The following IRF8 variants were observed in gnomAD, a reference collection of about 807,000 sequenced individuals.
IRF8 encodes interferon consensus sequence binding protein 1.
Under a neutral mutation model 48.7 loss-of-function variants are expected in IRF8, and 14 were observed. The ratio of observed to expected loss-of-function variants is 0.29; its 90% CI spans 0.19 to 0.45. The LOEUF is 0.45. Ranked by LOEUF, IRF8 falls within the 20% of genes least tolerant of loss-of-function variation. The pLI is 1.00. For synonymous variants in IRF8, 278 were observed against 227.3 expected (o/e 1.22, Z -2.01); for missense variants, 493 against 580.7 (o/e 0.85, Z 1.55).
At chr16:85,914,190 A>G (rs528856630) in intron 5 of IRF8, 30 of 487,956 alleles carry the variant, frequency 6.1e-5, no homozygotes, top group African/African-American at 5.7e-4. Flanking sequence ...TTGAGGTGGG[A>G]AGGAAATGTG....
chr16:85,901,504 G>C (rs991794494), intron 1 of IRF8, among the ~76,000 whole-genome samples: 1 of 152,132 alleles, frequency 6.6e-6, no homozygotes, highest in Non-Finnish European at 1.5e-5. Context: ...TGTAGTTCCA[G>C]GTACTCAAGG....
intron 4 of IRF8, among the ~76,000 whole-genome samples, chr16:85,912,251 C>T (rs1281776026): frequency 6.6e-6 from 1 of 152,186 alleles, no homozygotes; most frequent in Admixed American, 6.5e-5. Flanking sequence ...TTTTGTATAC[C>T]CATTTCAGCT....
rs963081691 is a variant in IRF8, at chr16:85,921,955, A to G, written c.*673A>G. The G allele has an allele frequency of 2.6e-5, 4 of 152,468 alleles. No individual in the cohort carries two copies. The highest frequency in any genetic ancestry group is 7.2e-5 in the African/African-American group (3 of 41,456). The allele number at this position is 152,468 out of a possible 1,614,324, so 9.4% of individuals were successfully genotyped here. A position where few individuals can be genotyped will look rare whatever the true frequency, so the allele number is the denominator to read the frequency against. On this transcript the variant is annotated 3_prime_UTR_variant, in exon 9 of 9. Transcript: ENST00000268638. Reference sequence around the variant, plus strand: ...CCTTCTCCTCTGGGGCTTTGTTGCCAGGAAGATTAGAACTAAATTTATTTT... The same window carrying G: ...CCTTCTCCTCTGGGGCTTTGTTGCCGGGAAGATTAGAACTAAATTTATTTT...
rs1905574663 is a variant in IRF8 at position 85,921,612 on chromosome 16, A to G, written c.*330A>G. 2 of 363,642 alleles carry G rather than the reference A, an allele frequency of 5.5e-6. No individual in the cohort carries two copies. Among genetic ancestry groups the G allele is most frequent in the South Asian group, 2.5e-5 (1 of 40,184 alleles). The allele number at this position is 363,642 out of a possible 1,614,324, so 22.5% of individuals were successfully genotyped here. ...TATCATTTCCAAAGACTTGTCATTC[A>G]GTAATATTAGCAGATAGCTGCTTCG... On this transcript the variant is annotated 3_prime_UTR_variant, in exon 9 of 9. Transcript: ENST00000268638.
At chr16:85,908,690 G>A (rs1485458230) in intron 2 of IRF8, among the ~76,000 whole-genome samples, 1 of 152,202 alleles carries the variant, frequency 6.6e-6, no homozygotes, top group Non-Finnish European at 1.5e-5. Flanking sequence ...CCAGGCAAGG[G>A]CTTGGCTAAA....
chr16:85,920,085 C>G (rs1347573750), intron 7 of IRF8, 24 bp from the exon 8 acceptor site: 1 of 1,576,298 alleles, frequency 6.3e-7, no homozygotes, highest in African/African-American at 1.3e-5. Context: ...TGCTTGCAAA[C>G]ACCCTCTGCC....
In IRF8 at chr16:85,920,202, G is replaced by A. The variant is rs1905497880; in HGVS notation, c.1082G>A (p.Arg361His). The A allele has an allele frequency of 7.5e-6, 12 of 1,602,840 alleles. No homozygotes were observed. The highest frequency in any genetic ancestry group is 1.0e-5 in the Non-Finnish European group (12 of 1,171,260). ...GEEFPDMAPLRSKLILVQIEQ... is the reference protein window; with the variant it reads ...GEEFPDMAPLHSKLILVQIEQ... ...GAGTTTCCGGATATGGCCCCCTTGC[G>A]CTCCAAACTCATTCTCGTGCAGGTA... is the stretch of plus-strand genomic sequence containing the variant. The change falls in exon 8 of 9, where the codon CGC becomes CAC. Residue 361 changes from arginine to histidine, a missense_variant. By Grantham distance (29) the Arg-to-His change is conservative (BLOSUM62 0). This residue lies in a region of IRF8 where 408 missense variants were observed against 449.6 expected (regional missense o/e 0.91). Transcript: ENST00000268638.
intron 2 of IRF8, among the ~76,000 whole-genome samples, chr16:85,908,090 C>G (rs1392691028): frequency 6.6e-6 from 1 of 152,256 alleles, no homozygotes; most frequent in Non-Finnish European, 1.5e-5. Context: ...AAGTTACTTA[C>G]CTCTTGGAAT....
Position 85,921,440 on chromosome 16 carries a change from T to C in IRF8, c.*158T>C, listed in dbSNP as rs1905565870. The C allele has an allele frequency of 1.2e-6, 1 of 801,396 alleles. No homozygotes were observed. The highest frequency in any genetic ancestry group is 1.7e-5 in the African/African-American group (1 of 58,530). The allele number at this position is 801,396 out of a possible 1,614,324, so 49.6% of individuals were successfully genotyped here. A position where few individuals can be genotyped will look rare whatever the true frequency, so the allele number is the denominator to read the frequency against. The stretch of plus-strand genomic sequence containing the variant: ...AGGGCATTCTCGGAGGAGTAGACGT[T>C]TAATACGAAGTGGCGGCATAGCCCT... On this transcript the variant is annotated 3_prime_UTR_variant, in exon 9 of 9. Transcript: ENST00000268638.
chr16:85,906,576 T>A (rs1355182120), intron 2 of IRF8, among the ~76,000 whole-genome samples: 2 of 152,226 alleles, frequency 1.3e-5, no homozygotes, highest in Admixed American at 6.5e-5. Flanking sequence ...TGGCCTGGAC[T>A]TGCTCGTGGG....
intron 2 of IRF8, among the ~76,000 whole-genome samples, chr16:85,907,704 A>G (rs1905044360): frequency 6.6e-6 from 1 of 152,134 alleles, no homozygotes; most frequent in Non-Finnish European, 1.5e-5. Flanking sequence ...AAAATAAATA[A>G]AAATAAAAAA....
At chr16:85,920,005 A>C in intron 7 of IRF8, 104 bp from the exon 8 acceptor site, 1 of 848,840 alleles carries the variant, frequency 1.2e-6, no homozygotes, top group South Asian at 1.4e-5. Flanking sequence ...CCCTGGCCTA[A>C]ATGCTACAAG....
chr16:85,902,875 G>T, intron 1 of IRF8, 140 bp from the exon 2 acceptor site: 1 of 857,944 alleles, frequency 1.2e-6, no homozygotes, highest in Non-Finnish European at 2.0e-6. Flanking sequence ...CAGGTGTCCC[G>T]GAGTCCCTGA....
At position 85,918,813 on chromosome 16, in the gene IRF8, G is replaced by A. The variant is rs371410129; in HGVS notation, c.988+10G>A. ...AGCCAGTTCTTCCGAGGTCTGTACC[G>A]TCGTCACCTTGCTGCCCCCACATCT... On this transcript the variant is annotated intron_variant, in intron 7 of 8. Transcript: ENST00000268638. The A allele has an allele frequency of 5.6e-5, 90 of 1,605,764 alleles. No individual in the cohort carries two copies. The highest frequency in any genetic ancestry group is 1.2e-4 in the African/African-American group (9 of 75,066).
intron 6 of IRF8, among the ~76,000 whole-genome samples, chr16:85,917,051 T>C (rs529322641): frequency 1.3e-5 from 2 of 152,138 alleles, no homozygotes; most frequent in East Asian, 3.8e-4. Flanking sequence ...TGGTGGGTTG[T>C]CAAATAATAA....
chr16:85,913,114 C>T lies in IRF8; in HGVS notation c.448-17C>T. On this transcript the variant is annotated splice_polypyrimidine_tract_variant and intron_variant, in intron 4 of 8. Coordinates refer to ENST00000268638, the MANE Select transcript of IRF8 (RefSeq NM_002163.4). ...CAGTGACTGAGCTGCCCTCCTCTCC[C>T]TCCCCTGACTGTGCAGCCTTCTGTG... 1.3e-6 allele frequency: 2 copies of T among 1,598,882 alleles called. No homozygotes were observed. The highest frequency in any genetic ancestry group is 1.7e-6 in the Non-Finnish European group (2 of 1,166,072).
At chr16:85,913,377 G>T in intron 5 of IRF8, 141 bp downstream of exon 5, 1 of 690,248 alleles carries the variant, frequency 1.4e-6, no homozygotes, top group Non-Finnish European at 2.6e-6. Context: ...GAGAGGTGAA[G>T]AACGATGGCC....
intron 8 of IRF8, 115 bp from the exon 9 acceptor site, chr16:85,920,991 A>T (rs926079353): frequency 3.9e-6 from 4 of 1,028,214 alleles, no homozygotes; most frequent in Admixed American, 2.0e-5. Flanking sequence ...TGGCTCATTC[A>T]CTTGGGACTC....
At chr16:85,906,757 A>G (rs1905017077) in intron 2 of IRF8, among the ~76,000 whole-genome samples, 1 of 151,654 alleles carries the variant, frequency 6.6e-6, no homozygotes, top group Non-Finnish European at 1.5e-5. Flanking sequence ...ATCATGATTT[A>G]CCCTCCAGGG....
Sources: allele counts gnomAD v4.1 joint callset (sites outside exome capture counted in the v4.1 genomes callset), GRCh38; gene constraint gnomAD v4.1.1; regional missense constraint gnomAD v4.1.1; transcripts MANE v1.5; gene names NCBI Gene and HGNC (gene_info 2026-07-23, HGNC 2026-07-21).